The following COL6A5 variants were observed in gnomAD, a reference collection of about 807,000 sequenced individuals.
The protein encoded by COL6A5 is collagen type VI alpha 5 chain, also known as collagen alpha-5(VI) chain.
COL6A5 carries 48 observed loss-of-function variants against 65.6 expected under a neutral mutation model. That is an observed-to-expected ratio of 0.73 (90% CI 0.58 to 0.93). The LOEUF (loss-of-function observed/expected upper bound fraction) is 0.93. Among genes scored for constraint, COL6A5 ranks in the 40% least tolerant of loss-of-function variants. COL6A5 has a pLI of 0.00. For missense variants in COL6A5, 914 were observed against 928.3 expected, an observed-to-expected ratio of 0.98 and a Z score of 0.20; for synonymous variants, 291 against 322.8, an observed-to-expected ratio of 0.90 and a Z score of 1.05.
exon 11 of COL6A5, chr3:130,401,135 G>A: frequency 6.5e-7 from 1 of 1,548,326 alleles, no homozygotes; most frequent in East Asian, 2.4e-5. Flanking sequence ...TCTGACTATT[G>A]GAATGAGAGA....
chr3:130,373,588 A>G, intron 1 of COL6A5, 23 bp from the exon 2 acceptor site: 2 of 1,116,106 alleles, frequency 1.8e-6, no homozygotes, highest in South Asian at 2.8e-5. Flanking sequence ...ATTTTTCATA[A>G]TGTAAATAAT....
Position 130,376,313 on chromosome 3 carries a change from C to T in COL6A5, c.144C>T (p.Phe48=), listed in dbSNP as rs776749715. The change falls in exon 3 of 42, where the codon TTC becomes TTT. Residue 48 remains phenylalanine, a synonymous_variant and NMD_transcript_variant. Coordinates refer to the COL6A5 transcript ENST00000312481. ...ACCTGGGACCTAAGTCATTCCCATT[C>T]GTGAAAACGTTCATCAACAAAATGA... The T allele has an allele frequency of 7.6e-5, 122 of 1,613,404 alleles. 1 individual carries two copies. The highest frequency in any genetic ancestry group is 2.0e-4 in the South Asian group (18 of 91,024).
intron 4 of COL6A5, among the ~76,000 whole-genome samples, chr3:130,453,317 T>C (rs1365712268): frequency 2.0e-5 from 3 of 152,170 alleles, no homozygotes; most frequent in African/African-American, 4.8e-5. Flanking sequence ...GGGGAACTAA[T>C]AAATGTCCAT....
chr3:130,470,944 C>G, exon 7 of COL6A5: 2 of 1,611,768 alleles, frequency 1.2e-6, no homozygotes, highest in Non-Finnish European at 1.7e-6. Context: ...ACCCAGAGAA[C>G]GGTGGCACAG....
intron 5 of COL6A5, among the ~76,000 whole-genome samples, chr3:130,468,434 A>T (rs764335704): frequency 2.6e-5 from 4 of 152,086 alleles, no homozygotes; most frequent in Non-Finnish European, 5.9e-5. Flanking sequence ...ATTAAATTTC[A>T]TGCACATGTG....
chr3:130,439,996 A>G (rs1025789464), intron 2 of COL6A5, among the ~76,000 whole-genome samples, 170 bp from the exon 35 acceptor site: 2 of 152,152 alleles, frequency 1.3e-5, no homozygotes, highest in Non-Finnish European at 2.9e-5. Context: ...GTGCCCGGAG[A>G]AGTACCGGGA....
At chr3:130,400,468 T>C (rs1482011341) in intron 10 of COL6A5, among the ~76,000 whole-genome samples, 2 of 152,352 alleles carry the variant, frequency 1.3e-5, no homozygotes, top group African/African-American at 4.8e-5. Flanking sequence ...ATAAAGTCAA[T>C]GAACTAGTAA....
chr3:130,483,079 G>A (rs3104297), intron 7 of COL6A5, among the ~76,000 whole-genome samples: 3 of 151,954 alleles, frequency 2.0e-5, no homozygotes, highest in African/African-American at 7.3e-5. Context: ...ATTCAACATT[G>A]TTAAAGAAAA....
intron 5 of COL6A5, among the ~76,000 whole-genome samples, chr3:130,456,678 G>A (rs1458023881): frequency 6.6e-6 from 1 of 151,912 alleles, no homozygotes; most frequent in East Asian, 1.9e-4. Flanking sequence ...TATGCATCTG[G>A]AATCTTCTAA....
intron 7 of COL6A5, 80 bp from the exon 8 acceptor site, chr3:130,394,810 A>T: frequency 1.0e-6 from 1 of 984,394 alleles, no homozygotes; most frequent in Non-Finnish European, 1.5e-6. Flanking sequence ...AGTATTTAGT[A>T]AAGCAATTTA....
At chr3:130,406,381 A>G in intron 17 of COL6A5, 60 bp downstream of exon 17, 1 of 1,315,672 alleles carries the variant, frequency 7.6e-7, no homozygotes, top group Non-Finnish European at 1.1e-6. Flanking sequence ...GACAGTCTTA[A>G]CTGCTGTGTG....
chr3:130,469,306 G>A (rs1446651385), exon 6 of COL6A5: 2 of 1,612,884 alleles, frequency 1.2e-6, no homozygotes, highest in African/African-American at 2.7e-5. Context: ...TGAGAGCCAA[G>A]TGTCAAGGCT....
chr3:130,418,349 A>T (rs1937417290), intron 24 of COL6A5, among the ~76,000 whole-genome samples: 1 of 151,808 alleles, frequency 6.6e-6, no homozygotes, highest in Non-Finnish European at 1.5e-5. Flanking sequence ...CCTGACATAC[A>T]ACTCATCCTT....
At chr3:130,380,596 T>TCCA (rs1483233124) in intron 4 of COL6A5, among the ~76,000 whole-genome samples, 2 of 152,160 alleles carry the variant, frequency 1.3e-5, no homozygotes, top group African/African-American at 4.8e-5. Context: ...ATCTGCACTG[T>TCCA]CCACTAGGTC....
intron 1 of COL6A5, among the ~76,000 whole-genome samples, chr3:130,370,972 A>G (rs572902330): frequency 1.5e-4 from 23 of 152,162 alleles, no homozygotes; most frequent in Non-Finnish European, 2.8e-4. Context: ...GCAAAACTCA[A>G]CTGAGCTTTA....
chr3:130,352,055 G>A (rs1218827146), intron 1 of COL6A5, among the ~76,000 whole-genome samples: 1 of 152,112 alleles, frequency 6.6e-6, no homozygotes, highest in Non-Finnish European at 1.5e-5. Context: ...ACTATCACAA[G>A]GACAGAAAAC....
chr3:130,382,846 G>A (rs567019673), intron 4 of COL6A5, among the ~76,000 whole-genome samples: 172 of 152,098 alleles, frequency 1.1e-3, no homozygotes, highest in Non-Finnish European at 1.8e-3. Flanking sequence ...GAAAAAGAAT[G>A]ACAATTATCT....
At chr3:130,436,021 A>G (rs545547138) in intron 1 of COL6A5, among the ~76,000 whole-genome samples, 34 of 152,174 alleles carry the variant, frequency 2.2e-4, no homozygotes, top group Non-Finnish European at 3.5e-4. Flanking sequence ...CCTGGATCCA[A>G]TCTCAAGTGG....
At chr3:130,350,982 A>G (rs1307736409) in intron 1 of COL6A5, among the ~76,000 whole-genome samples, 1 of 152,226 alleles carries the variant, frequency 6.6e-6, no homozygotes, top group Non-Finnish European at 1.5e-5. Context: ...CCAATGGAAC[A>G]GAACAGAGTC....
Sources: gnomAD v4.1 joint callset for allele counts (sites outside exome capture counted in the v4.1 genomes callset) on GRCh38, gnomAD v4.1.1 for gene constraint, MANE v1.5 for transcripts, NCBI Gene and HGNC (gene_info 2026-07-23, HGNC 2026-07-21) for gene names.